STK32B: variants seen among roughly 807,000 people sequenced by gnomAD.
STK32B encodes serine/threonine-protein kinase 32B.
Under a neutral mutation model 52.6 loss-of-function variants are expected in STK32B, and 43 were observed. That is an observed-to-expected ratio of 0.82 (90% CI 0.64 to 1.05). STK32B has a LOEUF of 1.05. STK32B is among the 50% of genes least tolerant of loss of function. STK32B has a pLI of 0.00. For synonymous variants in STK32B, 238 were observed against 204.3 expected, an observed-to-expected ratio of 1.17 and a Z score of -1.41; for missense variants, 621 against 534.6, an observed-to-expected ratio of 1.16 and a Z score of -1.59.
intron 1 of STK32B, among the ~76,000 whole-genome samples, chr4:5,065,327 G>A (rs1217744950): frequency 1.3e-5 from 2 of 152,186 alleles, no homozygotes; most frequent in Non-Finnish European, 2.9e-5. Flanking sequence ...GAGGAAGAGT[G>A]AACACATAAA....
intron 8 of STK32B, among the ~76,000 whole-genome samples, 197 bp downstream of exon 8, chr4:5,457,120 CTG>C (rs1054898865): frequency 6.6e-6 from 1 of 151,802 alleles, no homozygotes; most frequent in Non-Finnish European, 1.5e-5. Flanking sequence ...CCTCGGAGGA[CTG>C]TGGCGGCTCT....
At chr4:5,445,234 G>A (rs1268280898) in intron 6 of STK32B, among the ~76,000 whole-genome samples, 2 of 152,116 alleles carry the variant, frequency 1.3e-5, no homozygotes, top group Admixed American at 1.3e-4. Context: ...TGTGGCTGCT[G>A]GTCAGATTCA....
intron 3 of STK32B, among the ~76,000 whole-genome samples, chr4:5,183,351 C>T (rs1342443337): frequency 6.6e-6 from 1 of 152,030 alleles, no homozygotes; most frequent in African/African-American, 2.4e-5. Context: ...GTCGTGCATG[C>T]CTGTAATCCC....
chr4:5,349,384 A>G (rs1733683139), intron 4 of STK32B, among the ~76,000 whole-genome samples: 1 of 152,312 alleles, frequency 6.6e-6, no homozygotes, highest in South Asian at 2.1e-4. Context: ...ATGCTGTTTT[A>G]TACCTGAAGA....
intron 3 of STK32B, among the ~76,000 whole-genome samples, chr4:5,296,816 CTGGTTATTTTGCACAT>C (rs1410319973): frequency 2.0e-5 from 3 of 152,148 alleles, no homozygotes; most frequent in Admixed American, 6.5e-5. Flanking sequence ...ATGATGCTAG[CTGGTTATTTTGCACAT>C]TAGTTGATTC....
intron 6 of STK32B, among the ~76,000 whole-genome samples, chr4:5,442,535 T>A (rs1395447684): frequency 3.3e-5 from 5 of 150,486 alleles, no homozygotes; most frequent in Non-Finnish European, 7.4e-5. Context: ...TACAGCACAC[T>A]GATGGGTCTT....
intron 3 of STK32B, among the ~76,000 whole-genome samples, chr4:5,280,683 T>A (rs1728133796): frequency 6.6e-6 from 1 of 151,944 alleles, no homozygotes; most frequent in African/African-American, 2.4e-5. Context: ...TCACTTGAGG[T>A]CAGGAGTTCA....
chr4:5,485,585 CT>C (rs1719100512), intron 11 of STK32B, among the ~76,000 whole-genome samples: 1 of 152,202 alleles, frequency 6.6e-6, no homozygotes, highest in African/African-American at 2.4e-5. Flanking sequence ...CTTCTCTCAA[CT>C]TGTCAAAGTC....
At chr4:5,171,304 T>C (rs200407474) in intron 3 of STK32B, among the ~76,000 whole-genome samples, 1 of 151,674 alleles carries the variant, frequency 6.6e-6, no homozygotes, top group East Asian at 1.9e-4. Context: ...AGAAGCTCTT[T>C]AGTTTAATGA....
chr4:5,443,038 T>C (rs1319788475), intron 6 of STK32B, among the ~76,000 whole-genome samples: 3 of 151,140 alleles, frequency 2.0e-5, no homozygotes, highest in African/African-American at 7.3e-5. Context: ...GCCCTTAACA[T>C]TTTTTCCTTC....
At chr4:5,150,635 A>G (rs1717279277) in intron 2 of STK32B, among the ~76,000 whole-genome samples, 1 of 151,918 alleles carries the variant, frequency 6.6e-6, no homozygotes, top group African/African-American at 2.4e-5. Context: ...TTTAGGAGTC[A>G]GCAGTAGATT....
intron 1 of STK32B, among the ~76,000 whole-genome samples, chr4:5,104,384 C>T (rs1235710320): frequency 6.6e-6 from 1 of 152,222 alleles, no homozygotes; most frequent in Non-Finnish European, 1.5e-5. Flanking sequence ...CATTAAACCT[C>T]TTTCCTTTGT....
intron 11 of STK32B, among the ~76,000 whole-genome samples, chr4:5,478,006 A>G (rs1433089195): frequency 6.6e-6 from 1 of 152,100 alleles, no homozygotes; most frequent in Non-Finnish European, 1.5e-5. Context: ...GTCTAGGGAG[A>G]AATCAACTGG....
At position 5,394,981 on chromosome 4, in the gene STK32B, C is replaced by T. The variant is rs76436204; in HGVS notation, c.435-3226C>T. On this transcript the variant is annotated intron_variant, in intron 4 of 11. Coordinates refer to ENST00000282908, the MANE Select transcript of STK32B (RefSeq NM_018401.3). The surrounding 1 kb of genome is among the most constrained non-coding windows in gnomAD (Gnocchi z 4.2). ...ATCTCACAAAACTACAATCCACATG[C>T]CCACCGGGCTGCACTCCTTTCTGGA... Among the ~76,000 whole-genome samples, 1 of 152,288 alleles carries T rather than the reference C, an allele frequency of 6.6e-6. No individual in the cohort carries two copies. Among genetic ancestry groups the T allele is most frequent in the East Asian group, 1.9e-4 (1 of 5,188 alleles).
At chr4:5,393,262 T>C (rs763598109) in intron 4 of STK32B, among the ~76,000 whole-genome samples, 2 of 152,228 alleles carry the variant, frequency 1.3e-5, no homozygotes, top group African/African-American at 2.4e-5. Context: ...TCTGTTATTA[T>C]TCATAATCGC....
At chr4:5,488,345 A>G (rs1719407049) in intron 11 of STK32B, among the ~76,000 whole-genome samples, 1 of 152,254 alleles carries the variant, frequency 6.6e-6, no homozygotes, top group Non-Finnish European at 1.5e-5. Context: ...AATGGTGAGC[A>G]CTCTGGACTT....
At chr4:5,193,934 C>T (rs891597613) in intron 3 of STK32B, among the ~76,000 whole-genome samples, 21 of 152,200 alleles carry the variant, frequency 1.4e-4, no homozygotes, top group African/African-American at 2.4e-4. Flanking sequence ...TTCCCTACTC[C>T]GCTGTCTTGG....
At chr4:5,477,453 C>G (rs1718329483) in intron 11 of STK32B, among the ~76,000 whole-genome samples, 1 of 152,158 alleles carries the variant, frequency 6.6e-6, no homozygotes, top group Non-Finnish European at 1.5e-5. Context: ...GATGGGAGCT[C>G]TGGCTCAGAA....
intron 3 of STK32B, among the ~76,000 whole-genome samples, chr4:5,218,172 GC>G (rs1723295905): frequency 6.6e-6 from 1 of 152,146 alleles, no homozygotes; most frequent in Non-Finnish European, 1.5e-5. Context: ...GGTAACACAG[GC>G]TACTGGGCCG....
Sources: allele counts gnomAD v4.1 joint callset (sites outside exome capture counted in the v4.1 genomes callset), GRCh38; gene constraint gnomAD v4.1.1; non-coding constraint Gnocchi (gnomAD v3.1); transcripts MANE v1.5; gene names NCBI Gene and HGNC (gene_info 2026-07-23, HGNC 2026-07-21).